SDHC: variants seen among roughly 807,000 people sequenced by gnomAD.
SDHC encodes the protein succinate dehydrogenase complex subunit C.
SDHC carries 11 observed loss-of-function variants against 22.6 expected under a neutral mutation model. The ratio of observed to expected loss-of-function variants is 0.49; its 90% CI spans 0.31 to 0.81. The LOEUF (loss-of-function observed/expected upper bound fraction) is 0.81, where lower values mean the gene tolerates loss of function less well. Among genes scored for constraint, SDHC ranks in the 30% least tolerant of loss-of-function variants. The pLI is 0.05. For missense variants in SDHC, 160 were observed against 212.0 expected, an observed-to-expected ratio of 0.75 and a Z score of 1.52; for synonymous variants, 80 against 77.8, an observed-to-expected ratio of 1.03 and a Z score of -0.15.
chr1:161,350,027 C>G (rs1558179772), intron 4 of SDHC, among the ~76,000 whole-genome samples: 1 of 152,168 alleles, frequency 6.6e-6, no homozygotes, highest in African/African-American at 2.4e-5. Flanking sequence ...TCTCCTGCCT[C>G]AGCTTTCCCA....
intron 2 of SDHC, 126 bp downstream of exon 2, chr1:161,323,796 C>T (rs1315747105): frequency 9.7e-6 from 6 of 615,908 alleles, no homozygotes; most frequent in South Asian, 3.6e-5. Flanking sequence ...CTTGGGTTCA[C>T]GCCATTCTCC....
chr1:161,341,243 C>G (rs997329628), intron 4 of SDHC, among the ~76,000 whole-genome samples: 1 of 152,182 alleles, frequency 6.6e-6, no homozygotes, highest in Non-Finnish European at 1.5e-5. Context: ...GATGGGCTGG[C>G]TGACTGATCA....
intron 4 of SDHC, among the ~76,000 whole-genome samples, chr1:161,352,349 C>G (rs1403087261): frequency 6.6e-6 from 1 of 152,164 alleles, no homozygotes. Context: ...AAAATGATCT[C>G]TCTCCTGATT....
intron 4 of SDHC, among the ~76,000 whole-genome samples, chr1:161,354,057 C>T (rs1672183650): frequency 6.6e-6 from 1 of 151,994 alleles, no homozygotes; most frequent in Admixed American, 6.6e-5. Flanking sequence ...CATTATGTTG[C>T]CCAGGCTGGT....
At chr1:161,331,996 A>G (rs1671293790) in intron 3 of SDHC, among the ~76,000 whole-genome samples, 1 of 151,958 alleles carries the variant, frequency 6.6e-6, no homozygotes, top group African/African-American at 2.4e-5. Flanking sequence ...TATTTAAGAG[A>G]CAGGGTTTCA....
rs137963826 is a variant in SDHC, at chr1:161,316,456, G to T, written c.20+2031G>T. On this transcript the variant is annotated intron_variant, in intron 1 of 5. Coordinates refer to ENST00000367975, the MANE Select transcript of SDHC (RefSeq NM_003001.5). ...TGTTTAACAAAGCACATCTTGCACA[G>T]CCCTTAATCCATTTAACCCTGAGTT... Among the ~76,000 whole-genome samples, 909 of 152,324 alleles carry T rather than the reference G, an allele frequency of 6.0e-3. 13 individuals carry two copies. The highest frequency in any genetic ancestry group is 0.021 in the African/African-American group (854 of 41,574).
At position 161,354,663 on chromosome 1, in the gene SDHC, T is replaced by G. The variant is rs1255168284; in HGVS notation, c.242-2014T>G. Reference sequence around the variant, plus strand: ...ATTTTACAGATGATGTCTTATTTCTTTGTGTGTGTGTGTGTGTGTGTGTGT... The same window carrying G: ...ATTTTACAGATGATGTCTTATTTCTGTGTGTGTGTGTGTGTGTGTGTGTGT... On this transcript the variant is annotated intron_variant, in intron 4 of 5. Coordinates refer to ENST00000367975, the MANE Select transcript of SDHC (RefSeq NM_003001.5). 6.0e-5 allele frequency among the ~76,000 whole-genome samples: 7 copies of G among 116,630 alleles called. No homozygotes were observed. In the Admixed American group the frequency reaches 6.8e-4, roughly 11 times the overall value. 76.5% of individuals were successfully genotyped at this position (116,630 alleles called of 152,430 possible). A position where few individuals can be genotyped will look rare whatever the true frequency, so the allele number is the denominator to read the frequency against.
chr1:161,323,691 A>G, intron 2 of SDHC, 21 bp downstream of exon 2: 1 of 1,566,310 alleles, frequency 6.4e-7, no homozygotes. Context: ...AAGTCTGGAG[A>G]TTATTTATTT....
At chr1:161,362,247 A>T (rs1672541920) in intron 5 of SDHC, 82 bp from the exon 6 acceptor site, 1 of 1,472,132 alleles carries the variant, frequency 6.8e-7, no homozygotes, top group Non-Finnish European at 9.3e-7. Context: ...CTATTCCTTT[A>T]GGTAGAATTA....
chr1:161,321,066 C>G (rs1046528307), intron 1 of SDHC, among the ~76,000 whole-genome samples: 3 of 152,124 alleles, frequency 2.0e-5, no homozygotes, highest in Non-Finnish European at 2.9e-5. Context: ...ACCTTGTGAT[C>G]TGCCCGCCTC....
intron 2 of SDHC, chr1:161,326,788 G>A (rs1208190939): frequency 6.6e-6 from 1 of 151,818 alleles, no homozygotes; most frequent in African/African-American, 2.4e-5. Context: ...ACCACGCCTA[G>A]CTAATTTTTG....
intron 4 of SDHC, among the ~76,000 whole-genome samples, chr1:161,354,917 C>T (rs1672219174): frequency 6.6e-6 from 1 of 152,056 alleles, no homozygotes; most frequent in Admixed American, 6.6e-5. Context: ...ACCATGTTGC[C>T]CAGGCTGGTC....
chr1:161,314,464 T>G, intron 1 of SDHC, 39 bp downstream of exon 1: 1 of 1,610,810 alleles, frequency 6.2e-7, no homozygotes, highest in Non-Finnish European at 8.5e-7. Context: ...CCTGCGGCCC[T>G]CCGGAGATCT....
chr1:161,325,637 G>A (rs1321522970), intron 2 of SDHC, among the ~76,000 whole-genome samples: 1 of 152,144 alleles, frequency 6.6e-6, no homozygotes, highest in Non-Finnish European at 1.5e-5. Context: ...CCTGAGCATG[G>A]CTGTTTAATA....
At chr1:161,331,682 G>A (rs559855356) in intron 3 of SDHC, among the ~76,000 whole-genome samples, 3 of 144,996 alleles carry the variant, frequency 2.1e-5, no homozygotes, top group South Asian at 2.2e-4. Flanking sequence ...TGTAACCCCC[G>A]CCTCCCTGGT....
At chr1:161,334,493 G>A (rs1407536911) in intron 3 of SDHC, among the ~76,000 whole-genome samples, 2 of 152,136 alleles carry the variant, frequency 1.3e-5, no homozygotes, top group Non-Finnish European at 2.9e-5. Flanking sequence ...AATAAAACTT[G>A]TGGGGCATGA....
At chr1:161,342,051 T>C (rs1671736069) in intron 4 of SDHC, among the ~76,000 whole-genome samples, 1 of 152,214 alleles carries the variant, frequency 6.6e-6, no homozygotes, top group African/African-American at 2.4e-5. Context: ...AAGTATCTTA[T>C]TTTGGTCCCC....
chr1:161,334,700 A>G (rs1045034030), intron 3 of SDHC, among the ~76,000 whole-genome samples: 1 of 135,226 alleles, frequency 7.4e-6, no homozygotes, highest in Non-Finnish European at 1.6e-5. Context: ...CGGCCTCCCA[A>G]AGTTCTGGGA....
chr1:161,348,330 T>C (rs900791722), intron 4 of SDHC, among the ~76,000 whole-genome samples: 2 of 151,680 alleles, frequency 1.3e-5, no homozygotes, highest in African/African-American at 4.8e-5. Flanking sequence ...GGCTAATTTT[T>C]GTATTTTTAG....
Sources: gnomAD v4.1 joint callset for allele counts (sites outside exome capture counted in the v4.1 genomes callset) on GRCh38, gnomAD v4.1.1 for gene constraint, MANE v1.5 for transcripts, NCBI Gene and HGNC (gene_info 2026-07-23, HGNC 2026-07-21) for gene names.